The following NFIX variants were observed in gnomAD, a reference collection of about 807,000 sequenced individuals.
NFIX encodes nuclear factor 1 X-type.
Under a neutral mutation model 53.3 loss-of-function variants are expected in NFIX, and 2 were observed. That is an observed-to-expected ratio of 0.04 (90% CI 0.02 to 0.12). NFIX has a LOEUF of 0.12. NFIX is among the 10% of genes least tolerant of loss of function. The pLI, the probability that NFIX is intolerant of heterozygous loss-of-function variation, is 1.00. For missense variants in NFIX, 310 were observed against 674.5 expected (o/e 0.46, Z 5.99); for synonymous variants, 244 against 289.0 (o/e 0.84, Z 1.58).
intron 2 of NFIX, among the ~76,000 whole-genome samples, chr19:13,026,695 C>A (rs2013379695): frequency 6.6e-6 from 1 of 151,840 alleles, no homozygotes; most frequent in Admixed American, 6.6e-5. Flanking sequence ...TATGCCCAAC[C>A]AACTTGTAAT....
At chr19:13,054,207 G>T (rs2015507084) in intron 2 of NFIX, among the ~76,000 whole-genome samples, 1 of 152,206 alleles carries the variant, frequency 6.6e-6, no homozygotes, top group Admixed American at 6.5e-5. Context: ...TGGGCCTTCG[G>T]TGGGGGTTGG....
At position 12,998,332 on chromosome 19, in the gene NFIX, C is replaced by G. The variant is rs2011543321; in HGVS notation, c.27+2468C>G. Among the ~76,000 whole-genome samples, 1 of 152,054 alleles carries G rather than the reference C, an allele frequency of 6.6e-6. No individual in the cohort carries two copies. ...CCTGCCTCTCTCTCTTTCCCTCTCTCTCTCTCCCTTTTCTTTTTTTCAAAC... is the reference window on the plus strand; with the variant it reads ...CCTGCCTCTCTCTCTTTCCCTCTCTGTCTCTCCCTTTTCTTTTTTTCAAAC... On this transcript the variant is annotated intron_variant, in intron 1 of 10. Coordinates refer to ENST00000592199, the MANE Select transcript of NFIX (RefSeq NM_001365902.3). The surrounding 1 kb of genome is among the most constrained non-coding windows in gnomAD (Gnocchi z 4.4).
Position 13,073,771 on chromosome 19 carries a change from TG to T in NFIX, c.698-133del. ...GGAGGAGGTTCCTCAGCAGCCCAGA[TG>T]GCCCACTTTCTCCCATCTCCTGGCC... On this transcript the variant is annotated intron_variant, in intron 4 of 10. Transcript: ENST00000592199. This position sits in a 1 kb window ranked among gnomAD's most constrained non-coding sequence, Gnocchi z 4.5. The T allele has an allele frequency of 8.2e-7, 1 of 1,214,352 alleles. No individual in the cohort carries two copies. Among genetic ancestry groups the T allele is most frequent in the Non-Finnish European group, 1.2e-6 (1 of 859,010 alleles). 75.2% of individuals were successfully genotyped at this position (1,214,352 alleles called of 1,614,324 possible).
intron 5 of NFIX, among the ~76,000 whole-genome samples, chr19:13,074,460 C>T (rs1171223075): frequency 6.6e-6 from 1 of 152,212 alleles, no homozygotes; most frequent in Non-Finnish European, 1.5e-5. Flanking sequence ...ATTTAGACTT[C>T]ATCCCTGGGT....
intron 2 of NFIX, among the ~76,000 whole-genome samples, chr19:13,071,696 A>C (rs1445278226): frequency 6.6e-6 from 1 of 152,230 alleles, no homozygotes; most frequent in Non-Finnish European, 1.5e-5. Context: ...GTGGAGGGGA[A>C]GTGGAGCCTG....
intron 2 of NFIX, among the ~76,000 whole-genome samples, chr19:13,033,133 A>G (rs1440354873): frequency 6.6e-6 from 1 of 152,096 alleles, no homozygotes; most frequent in East Asian, 1.9e-4. Context: ...TTTTCTTGGC[A>G]CCAAGGGCAC....
intron 2 of NFIX, among the ~76,000 whole-genome samples, chr19:13,058,759 C>G (rs542863822): frequency 1.3e-5 from 2 of 152,112 alleles, no homozygotes; most frequent in South Asian, 4.2e-4. Flanking sequence ...GAGAGAAGTA[C>G]AGGAGCACAT....
At chr19:13,030,904 A>C (rs2013752466) in intron 2 of NFIX, among the ~76,000 whole-genome samples, 1 of 152,250 alleles carries the variant, frequency 6.6e-6, no homozygotes, top group Non-Finnish European at 1.5e-5. Context: ...GCATTTAACC[A>C]AGCGTGGGGG....
chr19:13,018,638 C>T (rs1446953205), intron 1 of NFIX, among the ~76,000 whole-genome samples: 1 of 152,218 alleles, frequency 6.6e-6, no homozygotes. Flanking sequence ...TCTCGTTGGC[C>T]CCCAACTGAG....
At chr19:13,029,716 G>A (rs939404879) in intron 2 of NFIX, among the ~76,000 whole-genome samples, 2 of 152,092 alleles carry the variant, frequency 1.3e-5, no homozygotes, top group Admixed American at 6.5e-5. Flanking sequence ...CTTACCTGTC[G>A]CAGGAAATGG....
At chr19:13,091,193 G>A (rs2018114476) in intron 10 of NFIX, among the ~76,000 whole-genome samples, 1 of 152,014 alleles carries the variant, frequency 6.6e-6, no homozygotes, top group Non-Finnish European at 1.5e-5. Flanking sequence ...AACATGCAAA[G>A]ATCTTTCTTT....
At position 13,073,026 on chromosome 19, in the gene NFIX, C is replaced by T. The variant is rs1403541784; in HGVS notation, c.560-21C>T. ...GGGAACTTTGCTCCTGATACATTCT[C>T]CCCTTTTGTGTCTCCTGCAGAATCC... is the stretch of plus-strand genomic sequence containing the variant. On this transcript the variant is annotated intron_variant, in intron 2 of 10. Coordinates refer to ENST00000592199, the MANE Select transcript of NFIX (RefSeq NM_001365902.3). This position sits in a 1 kb window ranked among gnomAD's most constrained non-coding sequence, Gnocchi z 4.5. 1 of 1,613,114 alleles carries T rather than the reference C, an allele frequency of 6.2e-7. No homozygotes were observed. Among genetic ancestry groups the T allele is most frequent in the Non-Finnish European group, 8.5e-7 (1 of 1,179,132 alleles).
intron 1 of NFIX, among the ~76,000 whole-genome samples, chr19:13,000,639 ATAAGAG>A (rs1960951889): frequency 6.6e-6 from 1 of 152,064 alleles, no homozygotes; most frequent in South Asian, 2.1e-4. Context: ...GAGTCCTGGT[ATAAGAG>A]TATGTGTGCA....
chr19:13,012,079 G>C lies in NFIX; in HGVS notation c.28-12942G>C, dbSNP rs1028849740. 4.6e-5 allele frequency: 7 copies of C among 152,086 alleles called. No homozygotes were observed. Among genetic ancestry groups the C allele is most frequent in the Admixed American group, 4.6e-4 (7 of 15,274 alleles). The allele number at this position is 152,086 out of a possible 1,614,324, so 9.4% of individuals were successfully genotyped here. On this transcript the variant is annotated intron_variant, in intron 1 of 10. Coordinates refer to ENST00000592199, the MANE Select transcript of NFIX (RefSeq NM_001365902.3). This position sits in a 1 kb window ranked among gnomAD's most constrained non-coding sequence, Gnocchi z 5.0. ...AGGCCCAGAACCGGGGCGCGAAGGG[G>C]CCGCGGGACACGAGCGGGCCGTGCG...
At chr19:13,000,175 A>G (rs761108963) in intron 1 of NFIX, among the ~76,000 whole-genome samples, 2 of 152,176 alleles carry the variant, frequency 1.3e-5, no homozygotes, top group Non-Finnish European at 2.9e-5. Context: ...ACATGTTCTA[A>G]TCTTGCGACC....
In NFIX at chr19:13,081,687, C is replaced by T; in HGVS notation, c.1086C>T (p.Pro362=). ...CTGCCCACGTGCATGCAGGGAGCCC[C>T]CGGGCCACAGCATCAGCCCTGCACT... ...PVLAGVRPGS[P]RATASALHFP... The change falls in exon 8 of 11, where the codon CCC becomes CCT. Residue 362 remains proline (P), a synonymous_variant. Coordinates refer to ENST00000592199, the MANE Select transcript of NFIX (RefSeq NM_001365902.3). This position sits in a 1 kb window ranked among gnomAD's most constrained non-coding sequence, Gnocchi z 4.7. The T allele has an allele frequency of 6.2e-7, 1 of 1,613,154 alleles. No individual in the cohort carries two copies. The highest frequency in any genetic ancestry group is 8.5e-7 in the Non-Finnish European group (1 of 1,179,256).
At position 13,009,517 on chromosome 19, in the gene NFIX, C is replaced by T. The variant is rs1454832957; in HGVS notation, c.27+13653C>T. 6.6e-6 allele frequency among the ~76,000 whole-genome samples: 1 copy of T among 152,206 alleles called. No homozygotes were observed. The highest frequency in any genetic ancestry group is 1.5e-5 in the Non-Finnish European group (1 of 68,046). ...AACAGGTTCACTCCAGCTTTTCATCCCCCTTCTGGCCACCTGAGGCTCCTC... is the reference window on the plus strand; with the variant it reads ...AACAGGTTCACTCCAGCTTTTCATCTCCCTTCTGGCCACCTGAGGCTCCTC... On this transcript the variant is annotated intron_variant, in intron 1 of 10. Transcript: ENST00000592199. This position sits in a 1 kb window ranked among gnomAD's most constrained non-coding sequence, Gnocchi z 4.7.
At chr19:13,064,338 C>T (rs2016272662) in intron 2 of NFIX, among the ~76,000 whole-genome samples, 1 of 152,222 alleles carries the variant, frequency 6.6e-6, no homozygotes, top group African/African-American at 2.4e-5. Flanking sequence ...TGTGCCTGTG[C>T]TCCTGGTTTT....
intron 1 of NFIX, among the ~76,000 whole-genome samples, chr19:13,004,966 A>T (rs1317537488): frequency 1.3e-5 from 2 of 152,030 alleles, no homozygotes; most frequent in African/African-American, 2.4e-5. Flanking sequence ...ACAGATGTGC[A>T]CTATCACACC....
Sources: allele counts gnomAD v4.1 joint callset (sites outside exome capture counted in the v4.1 genomes callset), GRCh38; gene constraint gnomAD v4.1.1; non-coding constraint Gnocchi (gnomAD v3.1); transcripts MANE v1.5; gene names NCBI Gene and HGNC (gene_info 2026-07-23, HGNC 2026-07-21).